The following TGFB2 variants were observed in gnomAD, a reference collection of about 807,000 sequenced individuals.
TGFB2 encodes transforming growth factor beta 2, also known as transforming growth factor beta-2 proprotein.
In TGFB2, 13 loss-of-function variants were observed where a neutral mutation model predicts 42.7. The ratio of observed to expected loss-of-function variants is 0.30; its 90% confidence interval spans 0.20 to 0.48. TGFB2 has a LOEUF of 0.48. Among genes scored for constraint, TGFB2 ranks in the 20% least tolerant of loss-of-function variants. TGFB2 has a pLI of 0.99. For missense variants in TGFB2, 390 were observed against 517.5 expected (o/e 0.75, Z 2.39); for synonymous variants, 193 against 193.6 (o/e 1.00, Z 0.03).
intron 6 of TGFB2, 38 bp from the exon 7 acceptor site, chr1:218,441,166 T>G: frequency 6.4e-7 from 1 of 1,568,642 alleles, no homozygotes; most frequent in Non-Finnish European, 8.6e-7. Flanking sequence ...ATTTTCCGTC[T>G]TTCCCTATGT....
chr1:218,392,216 G>A (rs1230157692), intron 1 of TGFB2, among the ~76,000 whole-genome samples: 1 of 152,214 alleles, frequency 6.6e-6, no homozygotes, highest in Non-Finnish European at 1.5e-5. Context: ...AGCCGGGTAT[G>A]GTGGCGGGTG....
chr1:218,349,302 C>T (rs1656793850), intron 1 of TGFB2, among the ~76,000 whole-genome samples: 1 of 151,962 alleles, frequency 6.6e-6, no homozygotes. Flanking sequence ...GATTTTCCAG[C>T]ACTTTTTAGT....
intron 2 of TGFB2, among the ~76,000 whole-genome samples, chr1:218,427,383 G>A (rs1659658665): frequency 2.0e-5 from 3 of 151,738 alleles, no homozygotes; most frequent in Admixed American, 1.3e-4. Context: ...TGTGCACAAT[G>A]TGCAGGTTTG....
At chr1:218,361,463 T>C (rs923322357) in intron 1 of TGFB2, among the ~76,000 whole-genome samples, 6 of 152,204 alleles carry the variant, frequency 3.9e-5, no homozygotes, top group African/African-American at 1.4e-4. Flanking sequence ...CTGGGTGACC[T>C]TGGGATCTGA....
intron 1 of TGFB2, among the ~76,000 whole-genome samples, 187 bp from the exon 2 acceptor site, chr1:218,404,982 A>G (rs967002423): frequency 6.6e-6 from 1 of 152,240 alleles, no homozygotes; most frequent in African/African-American, 2.4e-5. Context: ...CTACTCCTGT[A>G]ACTAAATGCA....
chr1:218,369,177 C>T (rs553666694), intron 1 of TGFB2, among the ~76,000 whole-genome samples: 79 of 143,808 alleles, frequency 5.5e-4, no homozygotes, highest in Middle Eastern at 4.3e-3. Flanking sequence ...ATCACTTCAA[C>T]CCCGGAGGTG....
intron 1 of TGFB2, among the ~76,000 whole-genome samples, chr1:218,365,743 A>G (rs1282525918): frequency 6.6e-6 from 1 of 151,788 alleles, no homozygotes; most frequent in African/African-American, 2.4e-5. Context: ...GGGGGCAGGC[A>G]TCCAGGGTCA....
intron 1 of TGFB2, among the ~76,000 whole-genome samples, chr1:218,381,643 C>T (rs925596514): frequency 1.3e-5 from 2 of 152,150 alleles, no homozygotes; most frequent in African/African-American, 4.8e-5. Flanking sequence ...TCAAACATGA[C>T]GTCTTCATTA....
rs1660142699 is a variant in TGFB2 at position 218,441,279 on chromosome 1, C to T, written c.1162C>T (p.Leu388=). The change falls in exon 7 of 7, where the codon CTA becomes TTA. Residue 388 remains leucine, a synonymous_variant. Coordinates refer to ENST00000366930, the MANE Select transcript of TGFB2 (RefSeq NM_003238.6). ...PCCVSQDLEP[L]TILYYIGKTP... The stretch of plus-strand genomic sequence containing the variant: ...CTGCGTGTCCCAAGATTTAGAACCT[C>T]TAACCATTCTCTACTACATTGGCAA... The T allele has an allele frequency of 8.1e-6, 13 of 1,613,858 alleles. No homozygotes were observed. Among genetic ancestry groups the T allele is most frequent in the African/African-American group, 2.7e-5 (2 of 74,920 alleles).
chr1:218,425,606 T>C (rs1659597145), intron 2 of TGFB2, among the ~76,000 whole-genome samples: 1 of 152,204 alleles, frequency 6.6e-6, no homozygotes, highest in African/African-American at 2.4e-5. Flanking sequence ...AGTTCAAATA[T>C]TTGAAAAACT....
chr1:218,378,874 C>T (rs1657849701), intron 1 of TGFB2, among the ~76,000 whole-genome samples: 1 of 151,814 alleles, frequency 6.6e-6, no homozygotes, highest in African/African-American at 2.4e-5. Context: ...AGAGGAAAGG[C>T]GGGTAATGGA....
At chr1:218,357,665 C>T (rs1187295398) in intron 1 of TGFB2, among the ~76,000 whole-genome samples, 3 of 152,202 alleles carry the variant, frequency 2.0e-5, no homozygotes, top group Non-Finnish European at 4.4e-5. Flanking sequence ...GAAAATGCTT[C>T]CTGGATATTG....
At chr1:218,413,006 A>C (rs1314385538) in intron 2 of TGFB2, among the ~76,000 whole-genome samples, 2 of 152,208 alleles carry the variant, frequency 1.3e-5, no homozygotes, top group East Asian at 1.9e-4. Context: ...TTCCCAGAAC[A>C]GTAATCTGAC....
chr1:218,369,673 T>A (rs1329389405), intron 1 of TGFB2, among the ~76,000 whole-genome samples: 5 of 152,162 alleles, frequency 3.3e-5, no homozygotes, highest in African/African-American at 9.7e-5. Context: ...CATGGCCGTC[T>A]TTGACATGAT....
At chr1:218,403,304 G>A (rs899021195) in intron 1 of TGFB2, among the ~76,000 whole-genome samples, 4 of 152,112 alleles carry the variant, frequency 2.6e-5, no homozygotes, top group Non-Finnish European at 4.4e-5. Context: ...GGAGGAGACT[G>A]GTGTAGAAAT....
chr1:218,373,792 T>G (rs560447311), intron 1 of TGFB2, among the ~76,000 whole-genome samples: 47 of 152,276 alleles, frequency 3.1e-4, no homozygotes, highest in African/African-American at 1.1e-3. Context: ...CATCTGTATG[T>G]GTCAGGGCAT....
chr1:218,438,055 G>A (rs544188387), intron 6 of TGFB2, among the ~76,000 whole-genome samples: 4 of 152,110 alleles, frequency 2.6e-5, no homozygotes, highest in Non-Finnish European at 4.4e-5. Context: ...TAACCCTACT[G>A]TGCTATAAAA....
intron 1 of TGFB2, among the ~76,000 whole-genome samples, chr1:218,353,376 G>A (rs1446208258): frequency 6.6e-6 from 1 of 152,172 alleles, no homozygotes. Context: ...GCACTATCCA[G>A]TTCTCCTATG....
intron 1 of TGFB2, among the ~76,000 whole-genome samples, chr1:218,353,844 T>C (rs1656946975): frequency 1.3e-5 from 2 of 152,146 alleles, no homozygotes; most frequent in Non-Finnish European, 2.9e-5. Context: ...GAGCTATGAC[T>C]GCCCCGCTGT....
Sources: allele counts gnomAD v4.1 joint callset (sites outside exome capture counted in the v4.1 genomes callset), GRCh38; gene constraint gnomAD v4.1.1; transcripts MANE v1.5; gene names NCBI Gene and HGNC (gene_info 2026-07-23, HGNC 2026-07-21).